The following UNC13C variants were observed in gnomAD, a reference collection of about 807,000 sequenced individuals.
UNC13C encodes the protein protein unc-13 homolog C.
A neutral mutation model predicts 245.4 loss-of-function variants in UNC13C; 174 were observed. The ratio of observed to expected loss-of-function variants is 0.71; its 90% CI spans 0.63 to 0.80. The LOEUF (loss-of-function observed/expected upper bound fraction) is 0.80. Ranked by LOEUF, UNC13C falls within the 30% of genes least tolerant of loss-of-function variation. The pLI, the probability that UNC13C is intolerant of heterozygous loss-of-function variation, is 0.00. For synonymous variants in UNC13C, 992 were observed against 895.1 expected (o/e 1.11, Z -1.93); for missense variants, 2,829 against 2,602.9 (o/e 1.09, Z -1.89).
the UNC13C span, among the ~76,000 whole-genome samples, chr15:53,921,898 T>C: frequency 1.3e-5 from 2 of 152,218 alleles, no homozygotes; most frequent in African/African-American, 4.8e-5. Flanking sequence ...GAAAAAAGCA[T>C]GTGTGTCATG....
intron 4 of UNC13C, among the ~76,000 whole-genome samples, chr15:54,170,374 C>A (rs575459848): frequency 6.6e-6 from 1 of 152,024 alleles, no homozygotes; most frequent in Non-Finnish European, 1.5e-5. Context: ...ATTATCAACT[C>A]CTAGCTCCAC....
chr15:54,615,460 T>C (rs1372690895), intron 30 of UNC13C, among the ~76,000 whole-genome samples: 1 of 152,026 alleles, frequency 6.6e-6, no homozygotes, highest in African/African-American at 2.4e-5. Context: ...GACATCCTGA[T>C]GCTCTCATCC....
chr15:54,228,990 A>G (rs1431361484), intron 4 of UNC13C, among the ~76,000 whole-genome samples: 1 of 152,154 alleles, frequency 6.6e-6, no homozygotes, highest in Non-Finnish European at 1.5e-5. Context: ...GTAGCCTTTT[A>G]GTGGTGAGGC....
At chr15:54,266,000 C>A (rs1203147785) in intron 10 of UNC13C, among the ~76,000 whole-genome samples, 1 of 151,976 alleles carries the variant, frequency 6.6e-6, no homozygotes, top group Non-Finnish European at 1.5e-5. Flanking sequence ...AAACCTCTTA[C>A]ATCTTTTACT....
chr15:54,247,845 A>G lies in UNC13C; in HGVS notation c.3229-2380A>G, dbSNP rs564255992. On this transcript the variant is annotated intron_variant, in intron 7 of 32. Coordinates refer to ENST00000260323, the MANE Select transcript of UNC13C (RefSeq NM_001080534.3). ...TTATGGCTCCTTAGCCAAACCAAAC[A>G]AAACATTTTAATGAAATCTGCTCAG... Among the ~76,000 whole-genome samples, 9 of 152,228 alleles carry G rather than the reference A, an allele frequency of 5.9e-5. No individual in the cohort carries two copies. In the South Asian group the frequency reaches 1.9e-3, roughly 32 times the overall value.
At chr15:54,597,939 A>T (rs574654137) in intron 30 of UNC13C, among the ~76,000 whole-genome samples, 1 of 152,208 alleles carries the variant, frequency 6.6e-6, no homozygotes, top group Non-Finnish European at 1.5e-5. Context: ...TTGTCTTAAT[A>T]TTTTATGAGC....
intron 19 of UNC13C, among the ~76,000 whole-genome samples, chr15:54,483,840 C>T (rs1297716633): frequency 1.3e-5 from 2 of 152,160 alleles, no homozygotes; most frequent in African/African-American, 4.8e-5. Flanking sequence ...ACTCTCCCTA[C>T]AATGCAAAAT....
chr15:54,214,311 A>G (rs955913475), intron 4 of UNC13C, among the ~76,000 whole-genome samples: 11 of 151,898 alleles, frequency 7.2e-5, no homozygotes, highest in Admixed American at 5.9e-4. Flanking sequence ...CTTTAAAATG[A>G]GCAGGACCTG....
chr15:54,339,940 A>G (rs1596249338), intron 17 of UNC13C, among the ~76,000 whole-genome samples: 2 of 152,196 alleles, frequency 1.3e-5, no homozygotes, highest in Admixed American at 6.5e-5. Flanking sequence ...CACTGCATCC[A>G]TGACAACGTC....
chr15:54,591,698 T>C (rs1353519748), intron 30 of UNC13C, among the ~76,000 whole-genome samples: 1 of 152,202 alleles, frequency 6.6e-6, no homozygotes, highest in Admixed American at 6.5e-5. Flanking sequence ...TTAATCTTGC[T>C]AATAGTCCAT....
the UNC13C span, among the ~76,000 whole-genome samples, chr15:53,901,713 T>C: frequency 6.6e-6 from 1 of 152,232 alleles, no homozygotes; most frequent in East Asian, 1.9e-4. Flanking sequence ...CATATGAATA[T>C]TTTTGAGGCC....
chr15:54,379,648 G>A (rs918512714), intron 17 of UNC13C, among the ~76,000 whole-genome samples: 1 of 151,998 alleles, frequency 6.6e-6, no homozygotes, highest in Non-Finnish European at 1.5e-5. Context: ...TACAATAGAG[G>A]CTCTAAAATC....
chr15:54,431,896 C>G (rs1450926317), intron 19 of UNC13C, among the ~76,000 whole-genome samples: 1 of 151,376 alleles, frequency 6.6e-6, no homozygotes, highest in Non-Finnish European at 1.5e-5. Flanking sequence ...TCATATATTC[C>G]TAGAGTAACA....
chr15:54,303,693 C>T (rs956345830), intron 13 of UNC13C, among the ~76,000 whole-genome samples: 3 of 149,832 alleles, frequency 2.0e-5, no homozygotes, highest in African/African-American at 7.4e-5. Context: ...GCTCCCATGA[C>T]ATGGTCTCAG....
At chr15:54,440,818 C>G (rs529830153) in intron 19 of UNC13C, among the ~76,000 whole-genome samples, 3 of 152,110 alleles carry the variant, frequency 2.0e-5, no homozygotes, top group African/African-American at 7.2e-5. Flanking sequence ...CTGCCAGCAT[C>G]TATCATTTTT....
Position 54,292,610 on chromosome 15 carries a change from G to A in UNC13C, c.3819-1285G>A, listed in dbSNP as rs117258867. Among the ~76,000 whole-genome samples, 1,502 of 151,960 alleles carry A rather than the reference G, an allele frequency of 9.9e-3. 16 individuals carry two copies. The highest frequency in any genetic ancestry group is 0.013 in the Non-Finnish European group (856 of 67,840). ...TTTTGCACCATGAACCTGTTGGGAAGTCTAGTGAAAACCATAGATGTCTTT... is the reference window on the plus strand; with the variant it reads ...TTTTGCACCATGAACCTGTTGGGAAATCTAGTGAAAACCATAGATGTCTTT... On this transcript the variant is annotated intron_variant, in intron 10 of 32. Transcript: ENST00000260323.
chr15:54,023,474 A>T (rs1484557726), intron 2 of UNC13C, among the ~76,000 whole-genome samples: 1 of 121,122 alleles, frequency 8.3e-6, no homozygotes, highest in Admixed American at 7.5e-5. Context: ...AGATAGTATC[A>T]TATTTTTAGG....
the UNC13C span, among the ~76,000 whole-genome samples, chr15:53,856,110 G>C: frequency 1.4e-4 from 22 of 152,194 alleles, no homozygotes; most frequent in African/African-American, 4.8e-4. Flanking sequence ...ATGATTGCTT[G>C]TATTTCTGTG....
At chr15:54,416,350 T>C (rs1018285510) in intron 19 of UNC13C, among the ~76,000 whole-genome samples, 8 of 152,104 alleles carry the variant, frequency 5.3e-5, no homozygotes, top group Non-Finnish European at 1.0e-4. Context: ...TTTTTCTTAT[T>C]TGGAAAAAAA....
Sources: gnomAD v4.1 joint callset for allele counts (sites outside exome capture counted in the v4.1 genomes callset) on GRCh38, gnomAD v4.1.1 for gene constraint, MANE v1.5 for transcripts, NCBI Gene and HGNC (gene_info 2026-07-23, HGNC 2026-07-21) for gene names.